The following SPTSSA variants were observed in gnomAD, a reference collection of about 807,000 sequenced individuals.
SPTSSA encodes serine palmitoyltransferase small subunit A.
SPTSSA carries 8 observed loss-of-function variants against 9.1 expected under a neutral mutation model. The observed-to-expected ratio is 0.88, with a 90% CI of 0.51 to 1.58. The LOEUF (loss-of-function observed/expected upper bound fraction) is 1.58. Among genes scored for constraint, SPTSSA ranks in the 40% most tolerant of loss-of-function variants. The probability of loss-of-function intolerance (pLI) is 0.00; values close to 1 mark genes in which losing one functional copy is unlikely to be tolerated. For synonymous variants in SPTSSA, 42 were observed against 37.7 expected (o/e 1.11, Z -0.41); for missense variants, 100 against 93.8 (o/e 1.07, Z -0.27).
intron 1 of SPTSSA, among the ~76,000 whole-genome samples, chr14:34,453,755 A>G (rs1027666712): frequency 6.6e-6 from 1 of 152,206 alleles, no homozygotes; most frequent in Admixed American, 6.5e-5. Context: ...TCTATTTCTC[A>G]TAACTATTGA....
At chr14:34,452,245 C>CAA (rs532756986) in intron 1 of SPTSSA, among the ~76,000 whole-genome samples, 7 of 97,048 alleles carry the variant, frequency 7.2e-5, no homozygotes, top group Non-Finnish European at 1.4e-4. Context: ...GACTCAATCT[C>CAA]AAAAAAAAAA....
At chr14:34,458,991 G>A (rs904942320) in intron 1 of SPTSSA, among the ~76,000 whole-genome samples, 7 of 145,000 alleles carry the variant, frequency 4.8e-5, no homozygotes, top group Admixed American at 1.4e-4. Flanking sequence ...TGCAACCTCC[G>A]CCTCCCGGGT....
rs1340769882 is a variant in SPTSSA, at chr14:34,435,172, A to G, written c.*29T>C. The stretch of plus-strand genomic sequence containing the variant: ...AACTTCGTAGGGTGGGTCTTCCCCA[A>G]GGAACCTCTGATCCTGGTCGCATCT... On this transcript the variant is annotated 3_prime_UTR_variant, in exon 2 of 2. Transcript: ENST00000298130. The G allele has an allele frequency of 6.3e-6, 10 of 1,586,470 alleles. No individual in the cohort carries two copies. The highest frequency in any genetic ancestry group is 8.6e-6 in the Non-Finnish European group (10 of 1,157,548).
At chr14:34,449,076 C>T (rs1203320804) in intron 1 of SPTSSA, among the ~76,000 whole-genome samples, 1 of 152,002 alleles carries the variant, frequency 6.6e-6, no homozygotes, top group Non-Finnish European at 1.5e-5. Flanking sequence ...CATAACAGGA[C>T]AGTGAGGAAC....
intron 1 of SPTSSA, among the ~76,000 whole-genome samples, chr14:34,461,150 T>C (rs887812504): frequency 1.1e-4 from 17 of 152,344 alleles, no homozygotes; most frequent in Middle Eastern, 3.4e-3. Context: ...TAAACATGTT[T>C]TGTGAAATAC....
At chr14:34,437,723 G>A (rs1187842246) in intron 1 of SPTSSA, among the ~76,000 whole-genome samples, 2 of 152,110 alleles carry the variant, frequency 1.3e-5, no homozygotes, top group Non-Finnish European at 2.9e-5. Flanking sequence ...AATAATCACA[G>A]AAAAATGGAG....
Position 34,434,155 on chromosome 14 carries a change from C to T in SPTSSA, c.*1046G>A, listed in dbSNP as rs1883202631. The T allele has an allele frequency of 1.3e-5, 2 of 151,816 alleles. No individual in the cohort carries two copies. The highest frequency in any genetic ancestry group is 4.2e-4 in the South Asian group (2 of 4,810). The allele number at this position is 151,816 out of a possible 1,614,324, so 9.4% of individuals were successfully genotyped here. On this transcript the variant is annotated 3_prime_UTR_variant, in exon 2 of 2. Transcript: ENST00000298130. ...CCATCAAGGAAAAGATATACTGCTACATCAGCTGATTTTTTTTCTCTTTGA... is the reference window on the plus strand; with the variant it reads ...CCATCAAGGAAAAGATATACTGCTATATCAGCTGATTTTTTTTCTCTTTGA...
intron 1 of SPTSSA, among the ~76,000 whole-genome samples, chr14:34,449,775 T>A (rs985249624): frequency 6.6e-6 from 1 of 152,234 alleles, no homozygotes; most frequent in African/African-American, 2.4e-5. Context: ...AGTGCTGGGA[T>A]TATAGGCGTG....
chr14:34,435,911 T>C (rs1883235752), intron 1 of SPTSSA, among the ~76,000 whole-genome samples: 2 of 152,176 alleles, frequency 1.3e-5, no homozygotes, highest in South Asian at 4.1e-4. Context: ...ATTACAGGCG[T>C]GAGCCACTGC....
Position 34,435,135 on chromosome 14 carries a change from T to C in SPTSSA, c.*66A>G. 8.0e-7 allele frequency: 1 copy of C among 1,254,826 alleles called. No homozygotes were observed. Among genetic ancestry groups the C allele is most frequent in the Non-Finnish European group, 1.2e-6 (1 of 869,420 alleles). The allele number at this position is 1,254,826 out of a possible 1,614,324, so 77.7% of individuals were successfully genotyped here. ...TAGAAGAGTTTCTTATCACATCTGA[T>C]GGTCTCATTCCAACTTCGTAGGGTG... On this transcript the variant is annotated 3_prime_UTR_variant, in exon 2 of 2. Transcript: ENST00000298130.
In SPTSSA at chr14:34,433,554, CCTAT is replaced by C. The variant is rs1220906270; in HGVS notation, c.*1643_*1646del. 2.0e-5 allele frequency: 3 copies of C among 152,100 alleles called. No homozygotes were observed. The highest frequency in any genetic ancestry group is 4.4e-5 in the Non-Finnish European group (3 of 68,016). The allele number at this position is 152,100 out of a possible 1,614,324, so 9.4% of individuals were successfully genotyped here. On this transcript the variant is annotated 3_prime_UTR_variant, in exon 2 of 2. Transcript: ENST00000298130. ...GTAATTCCATATTATTCTCACTACT[CCTAT>C]CTAATTGTGGTATCAATTGGCTCTA... is the stretch of plus-strand genomic sequence containing the variant.
chr14:34,453,136 T>C (rs1393707141), intron 1 of SPTSSA, among the ~76,000 whole-genome samples: 2 of 152,200 alleles, frequency 1.3e-5, no homozygotes. Flanking sequence ...CAGTCAAAAG[T>C]AGACTATTAG....
intron 1 of SPTSSA, among the ~76,000 whole-genome samples, chr14:34,456,974 CTAT>C (rs908132086): frequency 4.9e-5 from 5 of 102,016 alleles, no homozygotes; most frequent in African/African-American, 9.3e-5. Context: ...ATTATTATTA[CTAT>C]TATTATTATT....
intron 1 of SPTSSA, among the ~76,000 whole-genome samples, chr14:34,442,394 C>G (rs918039181): frequency 6.6e-6 from 1 of 152,200 alleles, no homozygotes. Context: ...TCTTCTAAAG[C>G]TCATAGTAGG....
chr14:34,444,439 G>A (rs998694278), intron 1 of SPTSSA, among the ~76,000 whole-genome samples: 13 of 152,214 alleles, frequency 8.5e-5, no homozygotes, highest in South Asian at 4.1e-4. Context: ...AACTTACCAC[G>A]TTTTACATTA....
At chr14:34,451,244 G>C (rs1883515049) in intron 1 of SPTSSA, among the ~76,000 whole-genome samples, 1 of 152,024 alleles carries the variant, frequency 6.6e-6, no homozygotes. Flanking sequence ...TTCTCACCGG[G>C]AAAAGGTCAT....
chr14:34,459,473 A>T (rs981070516), intron 1 of SPTSSA, among the ~76,000 whole-genome samples: 1 of 141,684 alleles, frequency 7.1e-6, no homozygotes, highest in Non-Finnish European at 1.5e-5. Context: ...AAAAAAAAAG[A>T]AAAAGAAAAA....
At chr14:34,451,628 C>G (rs1883526227) in intron 1 of SPTSSA, among the ~76,000 whole-genome samples, 1 of 148,572 alleles carries the variant, frequency 6.7e-6, no homozygotes. Flanking sequence ...GAGGCTGAGG[C>G]AGGAGAATGG....
chr14:34,450,524 T>C (rs1208597181), intron 1 of SPTSSA, among the ~76,000 whole-genome samples: 1 of 152,244 alleles, frequency 6.6e-6, no homozygotes, highest in Non-Finnish European at 1.5e-5. Flanking sequence ...CTCTTCTTGT[T>C]GTTTGCATAA....
Sources: gnomAD v4.1 joint callset for allele counts (sites outside exome capture counted in the v4.1 genomes callset) on GRCh38, gnomAD v4.1.1 for gene constraint, MANE v1.5 for transcripts, NCBI Gene and HGNC (gene_info 2026-07-23, HGNC 2026-07-21) for gene names.